The following ATXN2L variants were observed in gnomAD, a reference collection of about 807,000 sequenced individuals.
ATXN2L encodes the protein ataxin-2-like protein.
A neutral mutation model predicts 120.7 loss-of-function variants in ATXN2L; 24 were observed. That is an observed-to-expected ratio of 0.20 (90% CI 0.14 to 0.28). ATXN2L has a LOEUF of 0.28. Among genes scored for constraint, ATXN2L ranks in the 10% least tolerant of loss-of-function variants. The pLI is 1.00. For synonymous variants in ATXN2L, 653 were observed against 568.1 expected (o/e 1.15, Z -2.13); for missense variants, 1,312 against 1,432.3 (o/e 0.92, Z 1.36).
chr16:28,830,931 C>G (rs185453384), intron 9 of ATXN2L, 31 bp from the exon 10 acceptor site: 3 of 1,299,058 alleles, frequency 2.3e-6, no homozygotes, highest in African/African-American at 3.3e-5. Flanking sequence ...CTGACATTTT[C>G]TTCTCAAAAA....
At chr16:28,831,692 G>C (rs1211393869) in intron 10 of ATXN2L, among the ~76,000 whole-genome samples, 2 of 152,072 alleles carry the variant, frequency 1.3e-5, no homozygotes, top group Non-Finnish European at 2.9e-5. Flanking sequence ...TTTAAGACCA[G>C]CCTGGGCAAC....
chr16:28,831,882 C>T (rs1399426848), intron 10 of ATXN2L, among the ~76,000 whole-genome samples: 1 of 152,134 alleles, frequency 6.6e-6, no homozygotes, highest in Non-Finnish European at 1.5e-5. Context: ...GATACCCTGT[C>T]TCTAAATAAA....
Position 28,835,038 on chromosome 16 carries a change from T to C in ATXN2L, c.2434-20T>C. On this transcript the variant is annotated intron_variant, in intron 18 of 21. Transcript: ENST00000336783. Reference sequence around the variant, plus strand: ...CCCAGCTGGCGGCTGTGCCAACCACTCCTCTCTCTGTCCCGCCAGCCGGTG... The same window carrying C: ...CCCAGCTGGCGGCTGTGCCAACCACCCCTCTCTCTGTCCCGCCAGCCGGTG... 1 of 1,602,200 alleles carries C rather than the reference T, an allele frequency of 6.2e-7. No homozygotes were observed. Among genetic ancestry groups the C allele is most frequent in the Non-Finnish European group, 8.5e-7 (1 of 1,173,850 alleles).
At chr16:28,829,513 C>G (rs2053568262) in intron 7 of ATXN2L, 21 bp downstream of exon 7, 1 of 1,512,576 alleles carries the variant, frequency 6.6e-7, no homozygotes, top group Non-Finnish European at 9.2e-7. Flanking sequence ...TGGTGCTCTC[C>G]AGGTGATGTG....
chr16:28,835,861 T>C (rs1960405400), intron 21 of ATXN2L, 72 bp from the exon 22 acceptor site: 1 of 1,575,128 alleles, frequency 6.3e-7, no homozygotes, highest in East Asian at 2.2e-5. Context: ...GCCATAGTGC[T>C]CCCTAACTCT....
Position 28,832,326 on chromosome 16 carries a change from C to A in ATXN2L, c.1443C>A (p.Thr481=). 6.2e-7 allele frequency: 1 copy of A among 1,614,180 alleles called. No homozygotes were observed. The highest frequency in any genetic ancestry group is 8.5e-7 in the Non-Finnish European group (1 of 1,180,028). The change falls in exon 11 of 22, where the codon ACC becomes ACA. Residue 481 remains threonine (T), a synonymous_variant. Coordinates refer to ENST00000336783, the MANE Select transcript of ATXN2L (RefSeq NM_007245.4). ...CCTCTTCAGCCTCCATCCCTGTGAC[C>A]TCATCAGTCTCAGATCCTGGAGTGG... ...VPTSSASIPV[T]SSVSDPGVGS... is the part of the protein sequence containing the mutation.
chr16:28,829,757 C>A (rs2053661533), intron 7 of ATXN2L, 101 bp from the exon 8 acceptor site: 1 of 1,274,552 alleles, frequency 7.8e-7, no homozygotes, highest in Non-Finnish European at 1.1e-6. Context: ...TTAAATACTT[C>A]CATGCCTGAA....
intron 7 of ATXN2L, 55 bp from the exon 8 acceptor site, chr16:28,829,803 T>C: frequency 6.3e-7 from 1 of 1,577,838 alleles, no homozygotes; most frequent in Non-Finnish European, 8.7e-7. Context: ...TTTTCCTTTT[T>C]TCCTCTTTTG....
At position 28,835,036 on chromosome 16, in the gene ATXN2L, A is replaced by G. The variant is rs1479296060; in HGVS notation, c.2434-22A>G. 3 of 1,600,460 alleles carry G rather than the reference A, an allele frequency of 1.9e-6. No homozygotes were observed. The Admixed American group carries it at 5.1e-5, about 27-fold the overall frequency. On this transcript the variant is annotated intron_variant, in intron 18 of 21. Transcript: ENST00000336783. ...TTCCCAGCTGGCGGCTGTGCCAACC[A>G]CTCCTCTCTCTGTCCCGCCAGCCGG...
At position 28,825,678 on chromosome 16, in the gene ATXN2L, G is replaced by A; in HGVS notation, c.391G>A (p.Val131Met). Residue 131 changes from valine (V) to methionine (M), a missense_variant and splice_region_variant, in exon 3 of 22, where the codon GTG (valine) becomes ATG (methionine). Val to Met is a conservative substitution (Grantham distance 21). Coordinates refer to ENST00000336783, the MANE Select transcript of ATXN2L (RefSeq NM_007245.4). ...SRMLHFLTAV[V>M]GSTCDVKVKN... ...AATGCTGCATTTCCTTACAGCTGTT[G>A]TGGTAAGTTGGTACTTAACCCCCGG... is the stretch of plus-strand genomic sequence containing the variant. 1 of 1,614,158 alleles carries A rather than the reference G, an allele frequency of 6.2e-7. No individual in the cohort carries two copies. The highest frequency in any genetic ancestry group is 8.5e-7 in the Non-Finnish European group (1 of 1,179,994).
intron 1 of ATXN2L, 122 bp from the exon 2 acceptor site, chr16:28,825,244 A>C: frequency 1.0e-6 from 1 of 959,456 alleles, no homozygotes; most frequent in South Asian, 1.5e-5. Context: ...CTTACTGATT[A>C]ACAATTTTGT....
Position 28,830,746 on chromosome 16 carries a change from ACAG to A in ATXN2L, c.1171_1173del (p.Ser391del). On this transcript the variant is annotated inframe_deletion, in exon 9 of 22. Coordinates refer to ENST00000336783, the MANE Select transcript of ATXN2L (RefSeq NM_007245.4). Reference sequence around the variant, plus strand: ...CCTCGTGGCCCTCACCATCTGGACAACAGCAGCCCTGGCCCAGGTTCTGAGGCC... The same window carrying A: ...CCTCGTGGCCCTCACCATCTGGACAACAGCCCTGGCCCAGGTTCTGAGGCC... 6.2e-7 allele frequency: 1 copy of A among 1,612,484 alleles called. No individual in the cohort carries two copies. The highest frequency in any genetic ancestry group is 8.5e-7 in the Non-Finnish European group (1 of 1,179,426).
At chr16:28,823,853 G>A (rs562780865) in intron 1 of ATXN2L, 10 of 312,224 alleles carry the variant, frequency 3.2e-5, no homozygotes, top group Non-Finnish European at 5.7e-5. Flanking sequence ...CGGGGAGTTG[G>A]GGGGGGGCAA....
At position 28,823,251 on chromosome 16, in the gene ATXN2L, G is replaced by A; in HGVS notation, c.-9G>A. On this transcript the variant is annotated 5_prime_UTR_variant, in exon 1 of 22. Coordinates refer to ENST00000336783, the MANE Select transcript of ATXN2L (RefSeq NM_007245.4). ...CTTCTCTCTAATTCCCCTTCCGGAC[G>A]CTGCCATCATGTTGAAGCCTCAGCC... 18 of 1,439,188 alleles carry A rather than the reference G, an allele frequency of 1.3e-5. No homozygotes were observed. The highest frequency in any genetic ancestry group is 1.4e-5 in the Non-Finnish European group (15 of 1,093,790). 89.2% of individuals were successfully genotyped at this position (1,439,188 alleles called of 1,614,324 possible).
chr16:28,834,265 C>T (rs985081721), intron 16 of ATXN2L, 54 bp downstream of exon 16: 5 of 1,610,204 alleles, frequency 3.1e-6, no homozygotes, highest in Non-Finnish European at 3.4e-6. Flanking sequence ...TTTGGTTGCG[C>T]TGGTTGAGGG....
rs778657763 is a variant in ATXN2L at position 28,835,706 on chromosome 16, TCCA to T, written c.2850_2852del (p.His950del). On this transcript the variant is annotated inframe_deletion, in exon 21 of 22. Transcript: ENST00000336783. ...CCCCAGCCAGCCGCTGTGTATGCCATCCACCACCAGCAGCTGCCCCACGGCTTC... is the reference window on the plus strand; with the variant it reads ...CCCCAGCCAGCCGCTGTGTATGCCATCCACCAGCAGCTGCCCCACGGCTTC... 8.7e-6 allele frequency: 14 copies of T among 1,614,008 alleles called. No homozygotes were observed. The highest frequency in any genetic ancestry group is 3.3e-5 in the Admixed American group (2 of 60,006).
rs1268731500 is a variant in ATXN2L, at chr16:28,823,333, G to T, written c.74G>T (p.Arg25Leu). 1.4e-6 allele frequency: 2 copies of T among 1,398,510 alleles called. No individual in the cohort carries two copies. Among genetic ancestry groups the T allele is most frequent in the Non-Finnish European group, 1.9e-6 (2 of 1,076,664 alleles). The allele number at this position is 1,398,510 out of a possible 1,614,324, so 86.6% of individuals were successfully genotyped here. Residue 25 changes from arginine (R) to leucine (L), a missense_variant, in exon 1 of 22, where the codon CGT becomes CTT. Transcript: ENST00000336783. ...QPPPTQQAVA[R>L]RPPGGTSPPN... Reference sequence around the variant, plus strand: ...CCCCCCACGCAACAGGCCGTGGCCCGTCGGCCCCCCGGGGGCACCAGCCCT... The same window carrying T: ...CCCCCCACGCAACAGGCCGTGGCCCTTCGGCCCCCCGGGGGCACCAGCCCT...
At chr16:28,829,286 A>T (rs917293399) in intron 6 of ATXN2L, 115 bp from the exon 7 acceptor site, 2 of 733,894 alleles carry the variant, frequency 2.7e-6, no homozygotes, top group East Asian at 5.1e-5. Context: ...TACAGGTTTC[A>T]GCCACTGTGC....
At position 28,823,445 on chromosome 16, in the gene ATXN2L, G is replaced by A. The variant is rs1056704571; in HGVS notation, c.186G>A (p.Val62=). 3.1e-5 allele frequency: 41 copies of A among 1,322,930 alleles called. No individual in the cohort carries two copies. Among genetic ancestry groups the A allele is most frequent in the Non-Finnish European group, 3.5e-5 (37 of 1,042,818 alleles). 81.9% of individuals were successfully genotyped at this position (1,322,930 alleles called of 1,614,324 possible). A position where few individuals can be genotyped will look rare whatever the true frequency, so the allele number is the denominator to read the frequency against. The change falls in exon 1 of 22, where the codon GTG becomes GTA. Residue 62 remains valine, a synonymous_variant. Coordinates refer to ENST00000336783, the MANE Select transcript of ATXN2L (RefSeq NM_007245.4). ...CCGCCTCCCCCTGCCTGGGGCCTGTGGCCGCTGCCGGGAGCGGGCTCCGCC... is the reference window on the plus strand; with the variant it reads ...CCGCCTCCCCCTGCCTGGGGCCTGTAGCCGCTGCCGGGAGCGGGCTCCGCC... ...PAAASPCLGP[V]AAAGSGLRRG... is the part of the protein sequence containing the mutation.
Sources: allele counts gnomAD v4.1 joint callset (sites outside exome capture counted in the v4.1 genomes callset), GRCh38; gene constraint gnomAD v4.1.1; transcripts MANE v1.5; gene names NCBI Gene and HGNC (gene_info 2026-07-23, HGNC 2026-07-21).